The following IQCJ variants were observed in gnomAD, a reference collection of about 807,000 sequenced individuals.
IQCJ encodes the protein IQ domain-containing protein J.
Under a neutral mutation model 11.0 loss-of-function variants are expected in IQCJ, and 9 were observed. That is an observed-to-expected ratio of 0.82 (90% confidence interval 0.49 to 1.43). The LOEUF is 1.43. IQCJ is among the 40% of genes most tolerant of loss of function. The pLI, the probability that IQCJ is intolerant of heterozygous loss-of-function variation, is 0.00. For missense variants in IQCJ, 146 were observed against 133.2 expected (o/e 1.10, Z -0.47); for synonymous variants, 55 against 51.3 (o/e 1.07, Z -0.31).
At chr3:159,162,123 G>C (rs1415432258) in intron 1 of IQCJ, among the ~76,000 whole-genome samples, 3 of 152,136 alleles carry the variant, frequency 2.0e-5, no homozygotes, top group Non-Finnish European at 4.4e-5. Flanking sequence ...ACCTTGGGCA[G>C]TATGGCCATT....
intron 1 of IQCJ, among the ~76,000 whole-genome samples, chr3:159,208,373 G>A (rs1045775198): frequency 1.3e-5 from 2 of 152,148 alleles, no homozygotes; most frequent in Non-Finnish European, 2.9e-5. Flanking sequence ...TGATGTGCCT[G>A]CAGAGTCCAC....
chr3:159,176,919 T>C (rs1372636603), intron 1 of IQCJ, among the ~76,000 whole-genome samples: 1 of 152,152 alleles, frequency 6.6e-6, no homozygotes, highest in Non-Finnish European at 1.5e-5. Context: ...TGATAAAATA[T>C]ATGAGATTCA....
chr3:159,092,808 T>A (rs1199804555), intron 1 of IQCJ, among the ~76,000 whole-genome samples: 1 of 148,860 alleles, frequency 6.7e-6, no homozygotes, highest in Non-Finnish European at 1.5e-5. Context: ...TTTTTTTTTT[T>A]AGCCAGTATA....
At chr3:159,081,981 G>T (rs1179249288) in intron 1 of IQCJ, among the ~76,000 whole-genome samples, 2 of 152,024 alleles carry the variant, frequency 1.3e-5, no homozygotes, top group Non-Finnish European at 2.9e-5. Flanking sequence ...TCCATTAACT[G>T]CCAAAATAAT....
chr3:159,260,507 G>C (rs2595239), intron 3 of IQCJ, among the ~76,000 whole-genome samples: 50,514 of 151,876 alleles, frequency 0.33, 9,431 homozygotes, highest in Non-Finnish European at 0.43. Flanking sequence ...AGCAGAATTT[G>C]TTAGCTGGGC....
At chr3:159,102,790 T>G (rs1179987368) in intron 1 of IQCJ, among the ~76,000 whole-genome samples, 2 of 152,234 alleles carry the variant, frequency 1.3e-5, no homozygotes, top group East Asian at 3.8e-4. Context: ...CTTTCTTCTC[T>G]TCATTTTGTA....
chr3:159,208,508 G>T (rs1724778583), intron 1 of IQCJ, among the ~76,000 whole-genome samples: 1 of 152,176 alleles, frequency 6.6e-6, no homozygotes, highest in Non-Finnish European at 1.5e-5. Flanking sequence ...TTGGGATCTT[G>T]ATATTTTTCA....
At chr3:159,106,032 G>A (rs866969390) in intron 1 of IQCJ, among the ~76,000 whole-genome samples, 3 of 152,292 alleles carry the variant, frequency 2.0e-5, no homozygotes, top group African/African-American at 7.2e-5. Context: ...GTGAGAAGTT[G>A]TCAGATCTGG....
intron 1 of IQCJ, among the ~76,000 whole-genome samples, chr3:159,105,691 G>T (rs1199642756): frequency 2.0e-5 from 3 of 152,158 alleles, no homozygotes; most frequent in Non-Finnish European, 2.9e-5. Flanking sequence ...GAAAACACTG[G>T]GGCTGGGGTG....
At chr3:159,191,940 C>T (rs1318662565) in intron 1 of IQCJ, among the ~76,000 whole-genome samples, 1 of 152,140 alleles carries the variant, frequency 6.6e-6, no homozygotes, top group Non-Finnish European at 1.5e-5. Context: ...TTGGTACATT[C>T]CTCCATAAAG....
In IQCJ at chr3:159,146,405, C is replaced by T. The variant is rs183974237; in HGVS notation, c.9+76964C>T. On this transcript the variant is annotated intron_variant, in intron 1 of 3. Coordinates refer to ENST00000397832, the MANE Select transcript of IQCJ (RefSeq NM_001042706.3). The stretch of plus-strand genomic sequence containing the variant: ...GGCACTGTTTTCTAGGCCTTTCTTG[C>T]CTCCTGTGCCCCTTTGAAGCTTACT... Among the ~76,000 whole-genome samples, 305 of 152,296 alleles carry T rather than the reference C, an allele frequency of 2.0e-3. 1 individual carries two copies. The highest frequency in any genetic ancestry group is 7.1e-3 in the African/African-American group (296 of 41,564).
At chr3:159,228,933 G>T (rs1009080198) in intron 1 of IQCJ, among the ~76,000 whole-genome samples, 3 of 152,150 alleles carry the variant, frequency 2.0e-5, no homozygotes, top group Non-Finnish European at 4.4e-5. Flanking sequence ...TTAATCTTCT[G>T]CACAATCTAC....
At chr3:159,238,932 A>G (rs1170730417) in intron 1 of IQCJ, among the ~76,000 whole-genome samples, 1 of 152,206 alleles carries the variant, frequency 6.6e-6, no homozygotes, top group Non-Finnish European at 1.5e-5. Context: ...CTAACCTGAC[A>G]GCAACAGGGA....
intron 1 of IQCJ, among the ~76,000 whole-genome samples, chr3:159,078,414 A>T (rs868706154): frequency 1.3e-5 from 2 of 152,112 alleles, no homozygotes; most frequent in Non-Finnish European, 2.9e-5. Flanking sequence ...ATACTCACAA[A>T]CAAGGTATTT....
chr3:159,086,541 A>G (rs1237930466), intron 1 of IQCJ, among the ~76,000 whole-genome samples: 2 of 152,118 alleles, frequency 1.3e-5, no homozygotes, highest in Non-Finnish European at 2.9e-5. Context: ...GATTCTTTCT[A>G]CCCGTGAGCA....
At chr3:159,182,446 G>T (rs1723141415) in intron 1 of IQCJ, among the ~76,000 whole-genome samples, 1 of 152,000 alleles carries the variant, frequency 6.6e-6, no homozygotes, top group African/African-American at 2.4e-5. Flanking sequence ...TATCTAAGTA[G>T]TGTAGCAGGA....
At chr3:159,148,977 C>T (rs1721058454) in intron 1 of IQCJ, among the ~76,000 whole-genome samples, 2 of 152,116 alleles carry the variant, frequency 1.3e-5, no homozygotes. Flanking sequence ...TGGATGGCAC[C>T]TCTGTCACCT....
intron 1 of IQCJ, among the ~76,000 whole-genome samples, chr3:159,132,923 G>T (rs1233100981): frequency 3.0e-5 from 4 of 131,742 alleles, no homozygotes; most frequent in South Asian, 5.7e-4. Flanking sequence ...TTTCTTGCTT[G>T]CTTTCTTTCT....
At chr3:159,138,602 G>A (rs1300516390) in intron 1 of IQCJ, among the ~76,000 whole-genome samples, 5 of 152,210 alleles carry the variant, frequency 3.3e-5, no homozygotes, top group Admixed American at 6.5e-5. Context: ...GTAAACACCT[G>A]TACTGGTTTG....
Sources: allele counts gnomAD v4.1 joint callset (sites outside exome capture counted in the v4.1 genomes callset), GRCh38; gene constraint gnomAD v4.1.1; transcripts MANE v1.5; gene names NCBI Gene and HGNC (gene_info 2026-07-23, HGNC 2026-07-21).